ABCD3: variants seen among roughly 807,000 people sequenced by gnomAD.
The protein encoded by ABCD3 is ATP-binding cassette sub-family D member 3.
Under a neutral mutation model 105.5 loss-of-function variants are expected in ABCD3, and 41 were observed. That is an observed-to-expected ratio of 0.39 (90% confidence interval 0.30 to 0.50). ABCD3 has a LOEUF of 0.50. Among genes scored for constraint, ABCD3 ranks in the 20% least tolerant of loss-of-function variants. ABCD3 has a pLI of 0.84. For missense variants in ABCD3, 622 were observed against 806.3 expected, an observed-to-expected ratio of 0.77 and a Z score of 2.77; for synonymous variants, 258 against 269.0, an observed-to-expected ratio of 0.96 and a Z score of 0.40.
At chr1:94,442,715 A>G (rs1660178897) in intron 1 of ABCD3, among the ~76,000 whole-genome samples, 1 of 152,178 alleles carries the variant, frequency 6.6e-6, no homozygotes, top group Non-Finnish European at 1.5e-5. Context: ...AAGTGAGAAC[A>G]TTTGATATTT....
intron 1 of ABCD3, among the ~76,000 whole-genome samples, chr1:94,457,399 T>C (rs1354983495): frequency 6.6e-6 from 1 of 152,208 alleles, no homozygotes; most frequent in Admixed American, 6.5e-5. Context: ...TGTCCTGGTA[T>C]CTTACTACTG....
chr1:94,503,223 C>A (rs921389777), intron 20 of ABCD3, among the ~76,000 whole-genome samples: 1 of 151,974 alleles, frequency 6.6e-6, no homozygotes, highest in Non-Finnish European at 1.5e-5. Context: ...ATAGTGGGAG[C>A]GAGAGAGACA....
At chr1:94,413,204 T>A in the ABCD3 span, among the ~76,000 whole-genome samples, 5 of 152,072 alleles carry the variant, frequency 3.3e-5, no homozygotes, top group African/African-American at 1.2e-4. Flanking sequence ...TTATGGTATC[T>A]TTTTTTTCCT....
chr1:94,502,922 A>T (rs370985990), intron 20 of ABCD3, among the ~76,000 whole-genome samples: 1 of 152,212 alleles, frequency 6.6e-6, no homozygotes, highest in Admixed American at 6.5e-5. Context: ...TGCAGTGTGC[A>T]TATGCTTATT....
At chr1:94,401,715 T>C in the ABCD3 span, among the ~76,000 whole-genome samples, 25 of 152,240 alleles carry the variant, frequency 1.6e-4, no homozygotes, top group Admixed American at 1.6e-3. Context: ...TTTAAGTAGA[T>C]GCAACTCTAT....
At chr1:94,410,602 G>A in the ABCD3 span, among the ~76,000 whole-genome samples, 1 of 152,094 alleles carries the variant, frequency 6.6e-6, no homozygotes, top group African/African-American at 2.4e-5. Flanking sequence ...GAGGAGAGAG[G>A]GGTTCTTTAG....
At chr1:94,475,843 A>T in intron 7 of ABCD3, 106 bp downstream of exon 7, 1 of 866,870 alleles carries the variant, frequency 1.2e-6, no homozygotes, top group Non-Finnish European at 1.8e-6. Flanking sequence ...CAGCATGTAA[A>T]TATTTAATGC....
At chr1:94,495,846 T>TA (rs1649772705) in intron 16 of ABCD3, among the ~76,000 whole-genome samples, 2 of 152,204 alleles carry the variant, frequency 1.3e-5, no homozygotes, top group Admixed American at 1.3e-4. Flanking sequence ...GCATCGCTGT[T>TA]ACAGTAGAGT....
At chr1:94,488,347 T>TA (rs1649365873) in intron 13 of ABCD3, among the ~76,000 whole-genome samples, 1 of 152,066 alleles carries the variant, frequency 6.6e-6, no homozygotes, top group African/African-American at 2.4e-5. Flanking sequence ...GGATCTTAGA[T>TA]ACCGGCAACC....
intron 1 of ABCD3, 52 bp downstream of exon 1, chr1:94,418,640 C>T (rs778731093): frequency 3.4e-5 from 52 of 1,524,762 alleles, no homozygotes; most frequent in Non-Finnish European, 4.6e-5. Flanking sequence ...GGGCGCTCCC[C>T]GCGCGCTCTC....
chr1:94,488,089 C>T (rs1649355313), intron 13 of ABCD3, 106 bp downstream of exon 13: 4 of 941,434 alleles, frequency 4.2e-6, no homozygotes, highest in African/African-American at 1.7e-5. Context: ...CATTTCCTAG[C>T]CCAGGAAGGT....
chr1:94,436,384 G>T (rs186191292), intron 1 of ABCD3, among the ~76,000 whole-genome samples: 44 of 152,250 alleles, frequency 2.9e-4, no homozygotes, highest in Admixed American at 2.4e-3. Context: ...CACACTCAGT[G>T]TTCTCCAAAT....
chr1:94,433,485 C>T (rs1318238606), intron 1 of ABCD3, among the ~76,000 whole-genome samples: 1 of 151,862 alleles, frequency 6.6e-6, no homozygotes, highest in African/African-American at 2.4e-5. Context: ...GTGTGAACAT[C>T]ATAGAGTGCA....
At chr1:94,475,082 A>G in intron 5 of ABCD3, 61 bp from the exon 6 acceptor site, 1 of 1,056,146 alleles carries the variant, frequency 9.5e-7, no homozygotes, top group South Asian at 1.4e-5. Flanking sequence ...AGAGAAATAA[A>G]TTATAGTTTA....
chr1:94,439,165 G>A (rs1368281474), intron 1 of ABCD3, among the ~76,000 whole-genome samples: 1 of 152,110 alleles, frequency 6.6e-6, no homozygotes, highest in African/African-American at 2.4e-5. Flanking sequence ...CTTTGTACTT[G>A]AAAATTTGTC....
chr1:94,426,476 A>G (rs896744357), intron 1 of ABCD3, among the ~76,000 whole-genome samples: 2 of 151,980 alleles, frequency 1.3e-5, no homozygotes, highest in Admixed American at 6.6e-5. Flanking sequence ...TGACTCTCAA[A>G]TATTTTTCAC....
At chr1:94,461,796 C>T (rs1647885563) in intron 2 of ABCD3, among the ~76,000 whole-genome samples, 1 of 152,056 alleles carries the variant, frequency 6.6e-6, no homozygotes, top group African/African-American at 2.4e-5. Context: ...AGCATATGTG[C>T]AGGTATATTT....
At chr1:94,500,405 C>T (rs12127355) in intron 20 of ABCD3, among the ~76,000 whole-genome samples, 56,221 of 151,926 alleles carry the variant, frequency 0.37, 11,713 homozygotes, top group Middle Eastern at 0.55. Flanking sequence ...CACACCGTGG[C>T]ACTCCAGGCT....
At chr1:94,506,983 T>G (rs1353899274) in intron 21 of ABCD3, among the ~76,000 whole-genome samples, 1 of 151,964 alleles carries the variant, frequency 6.6e-6, no homozygotes, top group Non-Finnish European at 1.5e-5. Context: ...ATTTATTTAT[T>G]TATTTTTTAA....
Sources: allele counts gnomAD v4.1 joint callset (sites outside exome capture counted in the v4.1 genomes callset), GRCh38; gene constraint gnomAD v4.1.1; transcripts MANE v1.5; gene names NCBI Gene and HGNC (gene_info 2026-07-23, HGNC 2026-07-21).